Variants in GRXCR2 observed in about 807,000 individuals in gnomAD.
GRXCR2 encodes the protein glutaredoxin domain-containing cysteine-rich protein 2.
Under a neutral mutation model 24.8 loss-of-function variants are expected in GRXCR2, and 23 were observed. That is an observed-to-expected ratio of 0.93 (90% CI 0.67 to 1.32). The LOEUF is 1.32. GRXCR2 is among the 40% of genes most tolerant of loss of function. The probability of loss-of-function intolerance (pLI) is 0.00; values close to 1 mark genes in which losing one functional copy is unlikely to be tolerated. For missense variants in GRXCR2, 315 were observed against 303.4 expected (o/e 1.04, Z -0.28); for synonymous variants, 130 against 116.1 (o/e 1.12, Z -0.77).
At chr5:145,858,510 G>A (rs1452555936), downstream of GRXCR2, 1 of 152,008 alleles carries the variant, frequency 6.6e-6, no homozygotes, top group East Asian at 1.9e-4. Context: ...AAACTATCAA[G>A]GCTTCAAAAA....
chr5:145,864,133 G>A (rs1480796918), intron 2 of GRXCR2, among the ~76,000 whole-genome samples: 1 of 152,102 alleles, frequency 6.6e-6, no homozygotes, highest in Admixed American at 6.5e-5. Context: ...TGGAAGCCAG[G>A]GAAGATCCCT....
chr5:145,874,617 C>T (rs1326738675), upstream of GRXCR2, among the ~76,000 whole-genome samples: 4 of 152,332 alleles, frequency 2.6e-5, no homozygotes, highest in East Asian at 5.8e-4. Context: ...CAAGGACTTC[C>T]CTACTCACCC....
At chr5:145,889,235 A>G (rs1034243174) in intron 2 of GRXCR2, among the ~76,000 whole-genome samples, 3 of 146,372 alleles carry the variant, frequency 2.0e-5, no homozygotes, top group Non-Finnish European at 4.6e-5. Context: ...AAAGAAAGAA[A>G]GAAAGAAAGA....
chr5:145,876,288 T>C (rs1161700236), upstream of GRXCR2, among the ~76,000 whole-genome samples: 2 of 149,218 alleles, frequency 1.3e-5, no homozygotes, highest in African/African-American at 4.9e-5. Context: ...TTCCTTTTTT[T>C]TTTTTTGAGA....
At chr5:145,888,721 A>G (rs543846845) in intron 2 of GRXCR2, among the ~76,000 whole-genome samples, 1 of 152,354 alleles carries the variant, frequency 6.6e-6, no homozygotes, top group East Asian at 1.9e-4. Context: ...TGTCCTTCTC[A>G]ACATTTTATG....
At chr5:145,860,653 C>T (rs1756320736) in intron 2 of GRXCR2, among the ~76,000 whole-genome samples, 2 of 152,144 alleles carry the variant, frequency 1.3e-5, no homozygotes, top group African/African-American at 2.4e-5. Flanking sequence ...TCTTTATTCT[C>T]TTTGAGAGCT....
chr5:145,880,856 G>T (rs1012121916), intron 2 of GRXCR2, among the ~76,000 whole-genome samples: 3 of 152,166 alleles, frequency 2.0e-5, no homozygotes, highest in Admixed American at 2.0e-4. Context: ...TCATCCCTGG[G>T]ATACAAGACT....
chr5:145,864,993 A>AT (rs1363304596), intron 2 of GRXCR2, among the ~76,000 whole-genome samples: 1 of 152,108 alleles, frequency 6.6e-6, no homozygotes, highest in Non-Finnish European at 1.5e-5. Context: ...AAAAAAGTAG[A>AT]TTTTAGAGAA....
intron 1 of GRXCR2, 107 bp downstream of exon 1, chr5:145,872,526 G>T: frequency 2.4e-6 from 2 of 833,218 alleles, no homozygotes; most frequent in Non-Finnish European, 3.7e-6. Context: ...AGTTCTGGTT[G>T]GTACCGGAGG....
chr5:145,886,168 G>A (rs1756777557), intron 2 of GRXCR2, among the ~76,000 whole-genome samples: 1 of 152,192 alleles, frequency 6.6e-6, no homozygotes, highest in African/African-American at 2.4e-5. Flanking sequence ...GCCTCTTGGT[G>A]GCTGGGTGTC....
At chr5:145,879,616 C>T (rs938789458) in intron 2 of GRXCR2, among the ~76,000 whole-genome samples, 1 of 152,114 alleles carries the variant, frequency 6.6e-6, no homozygotes, top group African/African-American at 2.4e-5. Context: ...GATTTTAACA[C>T]CCCACTGTCA....
chr5:145,903,500 C>T (rs926710857), intron 2 of GRXCR2, among the ~76,000 whole-genome samples: 4 of 147,490 alleles, frequency 2.7e-5, no homozygotes, highest in East Asian at 2.0e-4. Flanking sequence ...AACATTGCAG[C>T]GCTGTGGAAA....
At chr5:145,924,668 A>T (rs1427223489) in intron 2 of GRXCR2, among the ~76,000 whole-genome samples, 1 of 152,200 alleles carries the variant, frequency 6.6e-6, no homozygotes, top group Non-Finnish European at 1.5e-5. Context: ...CGAGTTCCTC[A>T]AGCACTGGCT....
chr5:145,872,392 T>C lies in GRXCR2; in HGVS notation c.336+241A>G, dbSNP rs559768849. ...CAGTCAAAGATCCAATTACAATGTA[T>C]TACCTTGGATGGAATTTGAATACTA... On this transcript the variant is annotated intron_variant, in intron 1 of 2. Coordinates refer to ENST00000377976, the MANE Select transcript of GRXCR2 (RefSeq NM_001080516.2). Among the ~76,000 whole-genome samples the C allele has an allele frequency of 2.6e-5, 4 of 152,336 alleles. No individual in the cohort carries two copies. In the East Asian group the frequency reaches 5.8e-4, roughly 22 times the overall value.
chr5:145,885,097 C>CTGTG (rs59158357), intron 2 of GRXCR2, among the ~76,000 whole-genome samples: 5,168 of 147,754 alleles, frequency 0.035, 120 homozygotes, highest in African/African-American at 0.061. Context: ...GTGTGTGTGT[C>CTGTG]TGTGTGTGTG....
chr5:145,864,039 T>G (rs1047252957), intron 2 of GRXCR2, among the ~76,000 whole-genome samples: 5 of 152,098 alleles, frequency 3.3e-5, no homozygotes, highest in Non-Finnish European at 5.9e-5. Flanking sequence ...AACCAAATAA[T>G]CACACAAACT....
intron 2 of GRXCR2, among the ~76,000 whole-genome samples, chr5:145,919,555 C>T (rs541024307): frequency 2.6e-5 from 4 of 152,070 alleles, no homozygotes; most frequent in Admixed American, 1.3e-4. Flanking sequence ...GTATTTCTCG[C>T]GAATCAATTG....
intron 2 of GRXCR2, among the ~76,000 whole-genome samples, chr5:145,890,024 G>C (rs1212891536): frequency 6.6e-6 from 1 of 152,228 alleles, no homozygotes; most frequent in African/African-American, 2.4e-5. Context: ...AATAATTTCA[G>C]AGATTAAAGA....
chr5:145,905,051 C>G (rs1757071890), intron 2 of GRXCR2, among the ~76,000 whole-genome samples: 1 of 152,196 alleles, frequency 6.6e-6, no homozygotes, highest in Non-Finnish European at 1.5e-5. Flanking sequence ...GTCACACATC[C>G]ATGCTCAGAG....
Sources: allele counts gnomAD v4.1 joint callset (sites outside exome capture counted in the v4.1 genomes callset), GRCh38; gene constraint gnomAD v4.1.1; transcripts MANE v1.5; gene names NCBI Gene and HGNC (gene_info 2026-07-23, HGNC 2026-07-21).